SH3RF3: variants seen among roughly 807,000 people sequenced by gnomAD.
The protein encoded by SH3RF3 is SH3 domain containing ring finger 3, also known as E3 ubiquitin-protein ligase SH3RF3.
In SH3RF3, 29 loss-of-function variants were observed where a neutral mutation model predicts 66.3. That is an observed-to-expected ratio of 0.44 (90% CI 0.33 to 0.60). The LOEUF is 0.60. Among genes scored for constraint, SH3RF3 ranks in the 20% least tolerant of loss-of-function variants. SH3RF3 has a pLI of 0.04. For synonymous variants in SH3RF3, 583 were observed against 532.0 expected (o/e 1.10, Z -1.32); for missense variants, 1,194 against 1,190.9 (o/e 1.00, Z -0.04).
chr2:109,283,064 G>A (rs1304522124), intron 1 of SH3RF3, among the ~76,000 whole-genome samples: 1 of 152,234 alleles, frequency 6.6e-6, no homozygotes, highest in Admixed American at 6.5e-5. Context: ...GTAAGTCCAG[G>A]CTTGGCCAGG....
At chr2:109,215,676 G>A (rs1165767362) in intron 1 of SH3RF3, among the ~76,000 whole-genome samples, 1 of 152,174 alleles carries the variant, frequency 6.6e-6, no homozygotes. Context: ...CTGAGAAGCT[G>A]CTGCTTCTGG....
intron 5 of SH3RF3, among the ~76,000 whole-genome samples, chr2:109,424,442 A>G (rs1367141389): frequency 6.6e-6 from 1 of 151,884 alleles, no homozygotes; most frequent in Non-Finnish European, 1.5e-5. Flanking sequence ...ACCTCATTTC[A>G]TCGCACTTCA....
chr2:109,343,518 C>A (rs1476138251), intron 1 of SH3RF3, among the ~76,000 whole-genome samples: 1 of 152,200 alleles, frequency 6.6e-6, no homozygotes, highest in Non-Finnish European at 1.5e-5. Flanking sequence ...CTGTCCCCTA[C>A]CCTTCCCCAC....
At chr2:109,442,025 C>G (rs6542829) in intron 7 of SH3RF3, among the ~76,000 whole-genome samples, 1 of 151,930 alleles carries the variant, frequency 6.6e-6, no homozygotes, top group Non-Finnish European at 1.5e-5. Context: ...TAAATCCACA[C>G]TATTGGCCAG....
intron 1 of SH3RF3, among the ~76,000 whole-genome samples, chr2:109,234,542 G>T (rs1439837440): frequency 6.6e-6 from 1 of 152,218 alleles, no homozygotes; most frequent in African/African-American, 2.4e-5. Context: ...TATTGGTCAG[G>T]ATAGGCTCTG....
chr2:109,428,144 A>G (rs1286980123), intron 5 of SH3RF3, among the ~76,000 whole-genome samples: 1 of 152,192 alleles, frequency 6.6e-6, no homozygotes, highest in African/African-American at 2.4e-5. Context: ...CGCCTCCCTA[A>G]TTCGAGCCAG....
intron 1 of SH3RF3, among the ~76,000 whole-genome samples, chr2:109,285,022 G>C (rs557083882): frequency 6.6e-6 from 1 of 152,228 alleles, no homozygotes; most frequent in Non-Finnish European, 1.5e-5. Flanking sequence ...TTGTCTGTGC[G>C]CTGTGCCGCG....
At chr2:109,433,421 G>T (rs1677305029) in intron 6 of SH3RF3, among the ~76,000 whole-genome samples, 1 of 152,194 alleles carries the variant, frequency 6.6e-6, no homozygotes, top group African/African-American at 2.4e-5. Flanking sequence ...GAGACAAGGG[G>T]GTTGTCTGGG....
chr2:109,362,645 G>A (rs1683071197), intron 2 of SH3RF3, among the ~76,000 whole-genome samples: 1 of 152,124 alleles, frequency 6.6e-6, no homozygotes, highest in Non-Finnish European at 1.5e-5. Flanking sequence ...TCTGCTTGCT[G>A]TCTCTGTCCA....
intron 1 of SH3RF3, among the ~76,000 whole-genome samples, chr2:109,305,985 T>C (rs1015263675): frequency 9.2e-5 from 14 of 152,222 alleles, no homozygotes; most frequent in African/African-American, 3.4e-4. Flanking sequence ...GTGAGCACAG[T>C]AGATCTGGGC....
intron 1 of SH3RF3, among the ~76,000 whole-genome samples, chr2:109,177,166 T>A (rs1677937449): frequency 6.6e-6 from 1 of 152,146 alleles, no homozygotes; most frequent in Admixed American, 6.5e-5. Context: ...ACAGACACAC[T>A]CAGCCCAGAG....
intron 1 of SH3RF3, among the ~76,000 whole-genome samples, chr2:109,240,301 A>G (rs976290020): frequency 6.6e-6 from 1 of 152,140 alleles, no homozygotes; most frequent in Non-Finnish European, 1.5e-5. Flanking sequence ...GGAGTCCAAC[A>G]TGGTTGAAAC....
At chr2:109,213,326 A>T (rs556026076) in intron 1 of SH3RF3, among the ~76,000 whole-genome samples, 2 of 152,206 alleles carry the variant, frequency 1.3e-5, no homozygotes, top group African/African-American at 4.8e-5. Context: ...GTGTACGCCA[A>T]ACGCAGCCCG....
At chr2:109,159,235 C>T (rs1456979361) in intron 1 of SH3RF3, among the ~76,000 whole-genome samples, 1 of 152,244 alleles carries the variant, frequency 6.6e-6, no homozygotes, top group Non-Finnish European at 1.5e-5. Context: ...CCTCCCTGTG[C>T]TCTGCTGCTG....
At chr2:109,392,098 G>A (rs576128115) in intron 3 of SH3RF3, among the ~76,000 whole-genome samples, 156 of 152,262 alleles carry the variant, frequency 1.0e-3, no homozygotes, top group Non-Finnish European at 2.0e-3. Context: ...TTACAAACAT[G>A]AGCCACTGTG....
chr2:109,174,931 A>G (rs1377870197), intron 1 of SH3RF3, among the ~76,000 whole-genome samples: 2 of 152,200 alleles, frequency 1.3e-5, no homozygotes, highest in African/African-American at 4.8e-5. Context: ...TCTAATGGGG[A>G]GAGTCCTTGC....
chr2:109,305,758 G>A (rs983505612), intron 1 of SH3RF3, among the ~76,000 whole-genome samples: 1 of 152,202 alleles, frequency 6.6e-6, no homozygotes, highest in Non-Finnish European at 1.5e-5. Flanking sequence ...TGTTCTCTGC[G>A]GTTCCCTGAG....
chr2:109,147,241 A>G (rs1468697517), intron 1 of SH3RF3, among the ~76,000 whole-genome samples: 1 of 152,106 alleles, frequency 6.6e-6, no homozygotes, highest in Non-Finnish European at 1.5e-5. Flanking sequence ...GCTGCTGCTG[A>G]GAGGTTTGCT....
intron 3 of SH3RF3, among the ~76,000 whole-genome samples, chr2:109,396,914 C>T (rs542795165): frequency 1.1e-4 from 17 of 152,378 alleles, no homozygotes; most frequent in Admixed American, 1.0e-3. Context: ...CACTGACTCA[C>T]TGCCTCTCTC....
Sources: allele counts gnomAD v4.1 joint callset (sites outside exome capture counted in the v4.1 genomes callset), GRCh38; gene constraint gnomAD v4.1.1; transcripts MANE v1.5; gene names NCBI Gene and HGNC (gene_info 2026-07-23, HGNC 2026-07-21).